The following XYLT1 variants were observed in gnomAD, a reference collection of about 807,000 sequenced individuals.
XYLT1 encodes beta-D-xylosyltransferase 1.
A neutral mutation model predicts 91.3 loss-of-function variants in XYLT1; 36 were observed. The observed-to-expected ratio is 0.39, with a 90% CI of 0.30 to 0.52. The LOEUF (loss-of-function observed/expected upper bound fraction) is 0.52. Among genes scored for constraint, XYLT1 ranks in the 20% least tolerant of loss-of-function variants. The probability of loss-of-function intolerance (pLI) is 0.68; values close to 1 mark genes in which losing one functional copy is unlikely to be tolerated. For missense variants in XYLT1, 1,242 were observed against 1,284.5 expected, an observed-to-expected ratio of 0.97 and a Z score of 0.51; for synonymous variants, 588 against 532.0, an observed-to-expected ratio of 1.11 and a Z score of -1.45.
intron 5 of XYLT1, among the ~76,000 whole-genome samples, chr16:17,173,525 C>A (rs771932850): frequency 4.6e-5 from 7 of 152,264 alleles, no homozygotes; most frequent in Admixed American, 1.3e-4. Context: ...AAATGAGGAA[C>A]CTCAGTTGAG....
At chr16:17,332,642 T>C (rs890125013) in intron 2 of XYLT1, among the ~76,000 whole-genome samples, 1 of 151,066 alleles carries the variant, frequency 6.6e-6, no homozygotes, top group Admixed American at 6.6e-5. Context: ...ACTATTACAA[T>C]TTCCACAGAA....
At chr16:17,425,292 T>C (rs1425082062) in intron 1 of XYLT1, among the ~76,000 whole-genome samples, 1 of 152,190 alleles carries the variant, frequency 6.6e-6, no homozygotes, top group Non-Finnish European at 1.5e-5. Flanking sequence ...TGACAACTGA[T>C]GGCATTTAGA....
chr16:17,444,813 A>C lies in XYLT1; in HGVS notation c.363+25621T>G, dbSNP rs544043823. Reference sequence around the variant, plus strand: ...GAACCTAGTGCAGTGCCTGGCACATAGTAGGTGCTCAATGAGTACTTGTCA... The same window carrying C: ...GAACCTAGTGCAGTGCCTGGCACATCGTAGGTGCTCAATGAGTACTTGTCA... On this transcript the variant is annotated intron_variant, in intron 1 of 11. Coordinates refer to ENST00000261381, the MANE Select transcript of XYLT1 (RefSeq NM_022166.4). Among the ~76,000 whole-genome samples, 37 of 152,326 alleles carry C rather than the reference A, an allele frequency of 2.4e-4. No homozygotes were observed. In the South Asian group the frequency reaches 7.7e-3, roughly 32 times the overall value.
chr16:17,123,845 T>C (rs1567282388), intron 10 of XYLT1, among the ~76,000 whole-genome samples: 1 of 152,202 alleles, frequency 6.6e-6, no homozygotes, highest in Non-Finnish European at 1.5e-5. Context: ...ATTTAGATTG[T>C]GGTGTTTTCC....
intron 3 of XYLT1, among the ~76,000 whole-genome samples, chr16:17,208,384 ATCCCTTATGTGAAAT>A (rs2032696334): frequency 6.6e-6 from 1 of 152,106 alleles, no homozygotes; most frequent in Non-Finnish European, 1.5e-5. Context: ...CATGCTGAGT[ATCCCTTATGTGAAAT>A]GCCTGGAACC....
At chr16:17,282,964 C>CA (rs2034079631) in intron 2 of XYLT1, among the ~76,000 whole-genome samples, 1 of 151,896 alleles carries the variant, frequency 6.6e-6, no homozygotes. Context: ...TAAGTCACCC[C>CA]CCCCAAGTCA....
At position 17,160,930 on chromosome 16, in the gene XYLT1, C is replaced by G. The variant is rs546366331; in HGVS notation, c.1290-2021G>C. 2.0e-5 allele frequency among the ~76,000 whole-genome samples: 3 copies of G among 152,310 alleles called. No homozygotes were observed. The East Asian group carries it at 5.8e-4, about 29-fold the overall frequency. Reference sequence around the variant, plus strand: ...TTTTAACAGCTCTTATTTACCAACCCCCTCACCACTCTCCGCAACAGTTCA... The same window carrying G: ...TTTTAACAGCTCTTATTTACCAACCGCCTCACCACTCTCCGCAACAGTTCA... On this transcript the variant is annotated intron_variant, in intron 5 of 11. Coordinates refer to ENST00000261381, the MANE Select transcript of XYLT1 (RefSeq NM_022166.4).
intron 7 of XYLT1, among the ~76,000 whole-genome samples, 162 bp downstream of exon 7, chr16:17,140,991 G>T (rs1470571532): frequency 6.6e-6 from 1 of 152,220 alleles, no homozygotes; most frequent in Non-Finnish European, 1.5e-5. Context: ...GTGCAGACTG[G>T]AGGGAGACCA....
rs556846843 is a variant in XYLT1 at position 17,335,156 on chromosome 16, G to A, written c.402+22856C>T. On this transcript the variant is annotated intron_variant, in intron 2 of 11. Coordinates refer to ENST00000261381, the MANE Select transcript of XYLT1 (RefSeq NM_022166.4). ...ACAAGACTCAACTGAACGCGGGGAC[G>A]TTGCAGTGAGCTGAGATTGCGCCAC... Among the ~76,000 whole-genome samples, 47 of 149,264 alleles carry A rather than the reference G, an allele frequency of 3.1e-4. 1 individual carries two copies. Among genetic ancestry groups the A allele is most frequent in the Admixed American group, 1.8e-3 (27 of 14,968 alleles).
At chr16:17,389,979 C>A (rs1171297256) in intron 1 of XYLT1, among the ~76,000 whole-genome samples, 1 of 152,158 alleles carries the variant, frequency 6.6e-6, no homozygotes, top group African/African-American at 2.4e-5. Flanking sequence ...AGGTCGTGCC[C>A]TGTACCTGCT....
At chr16:17,446,599 C>T (rs1026150381) in intron 1 of XYLT1, among the ~76,000 whole-genome samples, 1 of 152,202 alleles carries the variant, frequency 6.6e-6, no homozygotes, top group African/African-American at 2.4e-5. Context: ...AGTGCCCCTC[C>T]CAGTCTTGGG....
At chr16:17,296,977 A>G (rs771444067) in intron 2 of XYLT1, among the ~76,000 whole-genome samples, 3 of 152,186 alleles carry the variant, frequency 2.0e-5, no homozygotes, top group Non-Finnish European at 4.4e-5. Context: ...CTTTTGGTAG[A>G]AGAGTGGAAA....
At chr16:17,169,131 G>T (rs749740285) in intron 5 of XYLT1, among the ~76,000 whole-genome samples, 36 of 152,300 alleles carry the variant, frequency 2.4e-4, no homozygotes, top group South Asian at 8.3e-4. Flanking sequence ...CTGTCCTCAA[G>T]GAACGCACAG....
intron 6 of XYLT1, among the ~76,000 whole-genome samples, chr16:17,152,729 C>T (rs2031310889): frequency 6.6e-6 from 1 of 152,226 alleles, no homozygotes; most frequent in South Asian, 2.1e-4. Flanking sequence ...TAGGAGAATG[C>T]TGCCTCTGGC....
At chr16:17,429,100 A>G (rs578053162) in intron 1 of XYLT1, among the ~76,000 whole-genome samples, 9 of 152,200 alleles carry the variant, frequency 5.9e-5, no homozygotes, top group African/African-American at 2.2e-4. Flanking sequence ...TTCTCACTCT[A>G]CCTCTGCAGG....
chr16:17,327,979 G>C (rs891404738), intron 2 of XYLT1, among the ~76,000 whole-genome samples: 6 of 152,152 alleles, frequency 3.9e-5, no homozygotes, highest in Middle Eastern at 6.8e-3. Context: ...CTTGACTATC[G>C]TTACTCTGAA....
chr16:17,448,222 G>T (rs1284523124), intron 1 of XYLT1, among the ~76,000 whole-genome samples: 1 of 152,166 alleles, frequency 6.6e-6, no homozygotes, highest in African/African-American at 2.4e-5. Flanking sequence ...ACAAAAATTA[G>T]CCAGGCGTGA....
chr16:17,295,234 C>T (rs139198575), intron 2 of XYLT1, among the ~76,000 whole-genome samples: 74 of 152,142 alleles, frequency 4.9e-4, no homozygotes, highest in African/African-American at 1.4e-3. Flanking sequence ...TGGTGGAGAC[C>T]AGCAAAGAAG....
chr16:17,244,453 C>G (rs970680756), intron 3 of XYLT1, among the ~76,000 whole-genome samples: 6 of 152,162 alleles, frequency 3.9e-5, no homozygotes, highest in African/African-American at 1.4e-4. Flanking sequence ...TGTCAAGGTC[C>G]TGTTGGTGAC....
Sources: allele counts gnomAD v4.1 joint callset (sites outside exome capture counted in the v4.1 genomes callset), GRCh38; gene constraint gnomAD v4.1.1; transcripts MANE v1.5; gene names NCBI Gene and HGNC (gene_info 2026-07-23, HGNC 2026-07-21).